The following BMP6 variants were observed in gnomAD, a reference collection of about 807,000 sequenced individuals.
BMP6 encodes bone morphogenetic protein 6, also known as VG-1-R.
BMP6 carries 17 observed loss-of-function variants against 54.1 expected under a neutral mutation model. The observed-to-expected ratio is 0.31, with a 90% CI of 0.22 to 0.47. BMP6 has a LOEUF of 0.47. BMP6 is among the 20% of genes least tolerant of loss of function. The pLI is 1.00. For missense variants in BMP6, 720 were observed against 690.4 expected (o/e 1.04, Z -0.48); for synonymous variants, 328 against 291.2 (o/e 1.13, Z -1.28).
At chr6:7,760,062 C>CTTT (rs10587005) in intron 1 of BMP6, among the ~76,000 whole-genome samples, 12 of 114,460 alleles carry the variant, frequency 1.0e-4, no homozygotes, top group African/African-American at 3.8e-4. Flanking sequence ...TATTTTTCAA[C>CTTT]TTTTTTTTTT....
chr6:7,826,773 T>A (rs1758704163), intron 1 of BMP6, among the ~76,000 whole-genome samples: 1 of 152,204 alleles, frequency 6.6e-6, no homozygotes, highest in Admixed American at 6.5e-5. Flanking sequence ...CAAATATGCA[T>A]AGCCACACAG....
intron 1 of BMP6, among the ~76,000 whole-genome samples, chr6:7,729,561 C>A (rs1183831859): frequency 1.3e-5 from 2 of 152,116 alleles, no homozygotes; most frequent in Admixed American, 6.5e-5. Flanking sequence ...AGGGCCGCTT[C>A]GTGGGCCCAG....
At chr6:7,759,732 C>T (rs1447102516) in intron 1 of BMP6, among the ~76,000 whole-genome samples, 14 of 96,162 alleles carry the variant, frequency 1.5e-4, no homozygotes, top group African/African-American at 5.8e-4. Flanking sequence ...GAGACTGAAT[C>T]TCACTCTGTT....
intron 1 of BMP6, among the ~76,000 whole-genome samples, chr6:7,779,743 C>T (rs1757913948): frequency 6.6e-6 from 1 of 152,164 alleles, no homozygotes; most frequent in Admixed American, 6.5e-5. Flanking sequence ...TTCATCTGTA[C>T]TGAGCTCTCA....
chr6:7,787,504 G>A (rs1758037624), intron 1 of BMP6, among the ~76,000 whole-genome samples: 1 of 152,106 alleles, frequency 6.6e-6, no homozygotes, highest in African/African-American at 2.4e-5. Context: ...AATTGTTGCA[G>A]GCTGCAAAAA....
At position 7,840,007 on chromosome 6, in the gene BMP6, G is replaced by A. The variant is rs115936742; in HGVS notation, c.665-5133G>A. On this transcript the variant is annotated intron_variant, in intron 1 of 6. Transcript: ENST00000283147. ...CTTTTAATACATCTCTATGAAGTAGGGCTGAAGAAGGAGAGGAGTTACTGG... is the reference window on the plus strand; with the variant it reads ...CTTTTAATACATCTCTATGAAGTAGAGCTGAAGAAGGAGAGGAGTTACTGG... 4.6e-3 allele frequency among the ~76,000 whole-genome samples: 702 copies of A among 152,242 alleles called. 7 individuals are homozygous for A. Among genetic ancestry groups the A allele is most frequent in the African/African-American group, 0.016 (662 of 41,530 alleles).
intron 1 of BMP6, among the ~76,000 whole-genome samples, chr6:7,738,773 G>A (rs1761999613): frequency 6.6e-6 from 1 of 152,204 alleles, no homozygotes; most frequent in Non-Finnish European, 1.5e-5. Context: ...TTAGACATAG[G>A]TAGGCATGGC....
chr6:7,787,520 C>G (rs996298115), intron 1 of BMP6, among the ~76,000 whole-genome samples: 1 of 152,162 alleles, frequency 6.6e-6, no homozygotes, highest in Non-Finnish European at 1.5e-5. Context: ...AAAAAAAGCT[C>G]GAAGAGGAAT....
intron 1 of BMP6, among the ~76,000 whole-genome samples, chr6:7,777,857 G>A (rs1248165777): frequency 2.0e-5 from 3 of 151,972 alleles, no homozygotes; most frequent in South Asian, 4.2e-4. Flanking sequence ...TCTCCCAAGC[G>A]ACAAACACTC....
At chr6:7,856,843 G>A (rs896932691) in intron 2 of BMP6, among the ~76,000 whole-genome samples, 1 of 151,740 alleles carries the variant, frequency 6.6e-6, no homozygotes, top group African/African-American at 2.4e-5. Flanking sequence ...TGATCCGCCC[G>A]CCTCGGCCTC....
chr6:7,747,471 TG>T lies in BMP6; in HGVS notation c.664+19855del, dbSNP rs780204064. Among the ~76,000 whole-genome samples, 6 of 152,224 alleles carry T rather than the reference TG, an allele frequency of 3.9e-5. No homozygotes were observed. In the East Asian group the frequency reaches 7.7e-4, roughly 20 times the overall value. ...GAGGAATGCAGTGGCCTCTGGAAGC[TG>T]GGAAGGGCCCTGAGCTGACAGCCAG... On this transcript the variant is annotated intron_variant, in intron 1 of 6. Coordinates refer to ENST00000283147, the MANE Select transcript of BMP6 (RefSeq NM_001718.6).
At chr6:7,861,719 A>G in intron 3 of BMP6, 120 bp downstream of exon 3, 1 of 1,382,066 alleles carries the variant, frequency 7.2e-7, no homozygotes, top group East Asian at 2.3e-5. Flanking sequence ...GGATGGCCTC[A>G]TTTACTGATC....
At chr6:7,729,282 T>TC (rs1443457066) in intron 1 of BMP6, among the ~76,000 whole-genome samples, 1 of 152,172 alleles carries the variant, frequency 6.6e-6, no homozygotes, top group African/African-American at 2.4e-5. Context: ...AGTAAATTCC[T>TC]CCCCTTGCTC....
At chr6:7,823,234 GACAA>G (rs1758642984) in intron 1 of BMP6, among the ~76,000 whole-genome samples, 2 of 152,096 alleles carry the variant, frequency 1.3e-5, no homozygotes. Flanking sequence ...CAAGGCAGTG[GACAA>G]ACAAATTACA....
chr6:7,742,173 C>G (rs2113118300), intron 1 of BMP6, among the ~76,000 whole-genome samples: 1 of 152,322 alleles, frequency 6.6e-6, no homozygotes, highest in Admixed American at 6.5e-5. Context: ...AAGTTACCTT[C>G]TTGCAGGGTT....
chr6:7,763,847 C>T (rs1165043917), intron 1 of BMP6, among the ~76,000 whole-genome samples: 2 of 152,220 alleles, frequency 1.3e-5, no homozygotes, highest in Admixed American at 1.3e-4. Context: ...TCTCTGCCCA[C>T]CCTCTTGGCT....
chr6:7,847,355 T>C (rs1759082930), intron 2 of BMP6, among the ~76,000 whole-genome samples: 1 of 152,170 alleles, frequency 6.6e-6, no homozygotes, highest in Admixed American at 6.5e-5. Flanking sequence ...GAGATTTTCT[T>C]TTCTTATCTG....
At chr6:7,855,537 A>ATCTC (rs34465524) in intron 2 of BMP6, among the ~76,000 whole-genome samples, 1,755 of 100,806 alleles carry the variant, frequency 0.017, 31 homozygotes, top group Non-Finnish European at 0.025. Flanking sequence ...CTTAATCTCA[A>ATCTC]TCTCTCTCTC....
rs949420988 is a variant in BMP6, at chr6:7,729,524, C to T, written c.664+1905C>T. Among the ~76,000 whole-genome samples the T allele has an allele frequency of 2.6e-5, 4 of 152,248 alleles. No homozygotes were observed. The East Asian group carries it at 5.8e-4, about 22-fold the overall frequency. On this transcript the variant is annotated intron_variant, in intron 1 of 6. Transcript: ENST00000283147. Reference sequence around the variant, plus strand: ...GCATTAGCTGCCCTGTAGTATCACCCGGGGGACTTAGAGTTCTAGGGTTAT... The same window carrying T: ...GCATTAGCTGCCCTGTAGTATCACCTGGGGGACTTAGAGTTCTAGGGTTAT...
Sources: gnomAD v4.1 joint callset for allele counts (sites outside exome capture counted in the v4.1 genomes callset) on GRCh38, gnomAD v4.1.1 for gene constraint, MANE v1.5 for transcripts, NCBI Gene and HGNC (gene_info 2026-07-23, HGNC 2026-07-21) for gene names.